The following CLVS1 variants were observed in gnomAD, a reference collection of about 807,000 sequenced individuals.
CLVS1 encodes the protein clavesin-1.
A neutral mutation model predicts 33.1 loss-of-function variants in CLVS1; 10 were observed. The observed-to-expected ratio is 0.30, with a 90% CI of 0.19 to 0.51. CLVS1 has a LOEUF of 0.51. CLVS1 is among the 20% of genes least tolerant of loss of function. CLVS1 has a pLI of 0.97. For missense variants in CLVS1, 343 were observed against 433.4 expected, an observed-to-expected ratio of 0.79 and a Z score of 1.85; for synonymous variants, 163 against 166.1, an observed-to-expected ratio of 0.98 and a Z score of 0.14.
At chr8:61,165,427 G>C (rs943273220) in intron 2 of CLVS1, among the ~76,000 whole-genome samples, 2 of 152,230 alleles carry the variant, frequency 1.3e-5, no homozygotes, top group African/African-American at 2.4e-5. Context: ...TTTATATCCT[G>C]ATCCTTGTCC....
At chr8:61,199,244 AAAAT>A (rs1585682515) in intron 2 of CLVS1, among the ~76,000 whole-genome samples, 1 of 152,222 alleles carries the variant, frequency 6.6e-6, no homozygotes, top group Admixed American at 6.5e-5. Context: ...AACAAAGCCA[AAAAT>A]AAATAAATGA....
intron 1 of CLVS1, among the ~76,000 whole-genome samples, chr8:61,075,190 A>T (rs933577928): frequency 1.3e-5 from 2 of 152,108 alleles, no homozygotes; most frequent in Admixed American, 1.3e-4. Context: ...GGCCGGTGGG[A>T]TGCTAGACGG....
intron 2 of CLVS1, among the ~76,000 whole-genome samples, chr8:61,358,010 T>G (rs1812814941): frequency 6.6e-6 from 1 of 152,184 alleles, no homozygotes; most frequent in Non-Finnish European, 1.5e-5. Context: ...TCAGTCTCAG[T>G]TTTTCTTATG....
chr8:61,025,506 C>G, the CLVS1 span, among the ~76,000 whole-genome samples: 1 of 152,190 alleles, frequency 6.6e-6, no homozygotes, highest in African/African-American at 2.4e-5. Flanking sequence ...CTCCAGAGAG[C>G]CTTCCTCCTT....
intron 5 of CLVS1, among the ~76,000 whole-genome samples, chr8:61,461,820 A>C (rs1040764229): frequency 1.3e-5 from 2 of 152,182 alleles, no homozygotes; most frequent in Non-Finnish European, 2.9e-5. Flanking sequence ...AATGACACCA[A>C]TTGATACTCC....
chr8:61,458,475 A>G lies in CLVS1; in HGVS notation c.910A>G (p.Asn304Asp). ...AAATGACTATACTCACACATCCTAT[A>G]ATGCAATGCACGTGAAGCATACGTC... ...DENDYTHTSY[N>D]AMHVKHTSSN... Residue 304 changes from asparagine (N) to aspartate (D), a missense_variant, in exon 5 of 6, where the codon AAT (asparagine) becomes GAT (aspartate). By Grantham distance (23) the Asn-to-Asp change is conservative (BLOSUM62 1). Around this residue, in one of 4 missense-constraint regions of CLVS1, gnomAD observed 86 missense variants for 95.0 expected, o/e 0.91. Transcript: ENST00000325897. The G allele has an allele frequency of 1.2e-6, 2 of 1,613,994 alleles. No individual in the cohort carries two copies. Among genetic ancestry groups the G allele is most frequent in the East Asian group, 2.2e-5 (1 of 44,864 alleles).
Position 61,401,525 on chromosome 8 carries a change from G to A in CLVS1, c.630+24746G>A, listed in dbSNP as rs181184400. On this transcript the variant is annotated intron_variant, in intron 3 of 5. Transcript: ENST00000325897. ...GGGAAATGAAGGACTTCTTCAAGGT[G>A]AACTACAAACCACTGCTCAAAGAAA... Among the ~76,000 whole-genome samples, 544 of 152,118 alleles carry A rather than the reference G, an allele frequency of 3.6e-3. 2 individuals are homozygous for A. The highest frequency in any genetic ancestry group is 4.4e-3 in the Non-Finnish European group (298 of 67,974).
At chr8:61,485,003 C>T (rs894593269) in intron 5 of CLVS1, among the ~76,000 whole-genome samples, 5 of 152,150 alleles carry the variant, frequency 3.3e-5, no homozygotes, top group African/African-American at 1.2e-4. Flanking sequence ...AGAAGAAAAC[C>T]TAGGCATTAC....
intron 1 of CLVS1, among the ~76,000 whole-genome samples, chr8:61,117,005 A>T (rs1213416643): frequency 2.8e-3 from 380 of 134,428 alleles, no homozygotes; most frequent in African/African-American, 0.012. Context: ...ACCCATGAGC[A>T]TGGAATGTTC....
At chr8:61,356,570 C>A (rs944332110) in intron 2 of CLVS1, among the ~76,000 whole-genome samples, 2 of 151,708 alleles carry the variant, frequency 1.3e-5, no homozygotes, top group African/African-American at 4.9e-5. Flanking sequence ...AGTCTTTAAT[C>A]CATCTTGAAT....
chr8:61,033,126 G>GGAAA, the CLVS1 span, among the ~76,000 whole-genome samples: 19,809 of 68,490 alleles, frequency 0.29, 3,003 homozygotes, highest in South Asian at 0.4. Context: ...AAGGAAGAAA[G>GGAAA]GAAAGAAAGA....
intron 2 of CLVS1, among the ~76,000 whole-genome samples, chr8:61,195,287 A>G (rs1406163968): frequency 6.6e-6 from 1 of 151,982 alleles, no homozygotes; most frequent in Non-Finnish European, 1.5e-5. Context: ...AGGGTGGGAG[A>G]CAGAGATTGG....
At chr8:61,288,194 C>T (rs1487869909) in intron 1 of CLVS1, 56 bp downstream of exon 1, 1 of 456,346 alleles carries the variant, frequency 2.2e-6, no homozygotes, top group Non-Finnish European at 4.4e-6. Context: ...CGCCTTTCCC[C>T]CGCTCTTTCG....
rs146689348 is a variant in CLVS1 at position 61,097,103 on chromosome 8, G to A, written c.-242-34667G>A. Among the ~76,000 whole-genome samples the A allele has an allele frequency of 3.4e-3, 521 of 152,062 alleles. 3 individuals carry two copies. Among genetic ancestry groups the A allele is most frequent in the Middle Eastern group, 0.017 (5 of 294 alleles). ...AGGCTGGGCGTGGTGGCTCATGCAT[G>A]TAATCCCAGCACTTTGAGATCCTCC... On this transcript the variant is annotated intron_variant, in intron 1 of 2. Coordinates refer to the CLVS1 transcript ENST00000522621.
At chr8:61,451,799 A>T (rs1191968735) in intron 3 of CLVS1, among the ~76,000 whole-genome samples, 2 of 143,722 alleles carry the variant, frequency 1.4e-5, no homozygotes, top group African/African-American at 2.8e-5. Flanking sequence ...TCTGTACAAA[A>T]CACACACACA....
chr8:61,262,026 AT>A (rs1421137078), intron 2 of CLVS1, among the ~76,000 whole-genome samples: 2 of 87,908 alleles, frequency 2.3e-5, no homozygotes, highest in Admixed American at 2.3e-4. Flanking sequence ...GTGTGTGTGT[AT>A]TTTTTGGAGA....
intron 3 of CLVS1, among the ~76,000 whole-genome samples, chr8:61,389,727 G>A (rs545101003): frequency 6.6e-6 from 1 of 152,314 alleles, no homozygotes; most frequent in African/African-American, 2.4e-5. Flanking sequence ...GAGCTATCTG[G>A]AAGAGTCTCA....
chr8:61,201,495 A>C (rs1807731464), intron 2 of CLVS1, among the ~76,000 whole-genome samples: 1 of 152,222 alleles, frequency 6.6e-6, no homozygotes, highest in African/African-American at 2.4e-5. Context: ...AAAGAGAAAG[A>C]AAATGATTGT....
At chr8:61,020,920 G>A in the CLVS1 span, among the ~76,000 whole-genome samples, 1 of 152,282 alleles carries the variant, frequency 6.6e-6, no homozygotes, top group Non-Finnish European at 1.5e-5. Flanking sequence ...TCTTTCACAT[G>A]CTTCTGTTGC....
Sources: allele counts gnomAD v4.1 joint callset (sites outside exome capture counted in the v4.1 genomes callset), GRCh38; gene constraint gnomAD v4.1.1; regional missense constraint gnomAD v4.1.1; transcripts MANE v1.5; gene names NCBI Gene and HGNC (gene_info 2026-07-23, HGNC 2026-07-21).